Variants in SLC30A7 observed in about 807,000 individuals in gnomAD.
The protein encoded by SLC30A7 is zinc transporter 7.
A neutral mutation model predicts 46.0 loss-of-function variants in SLC30A7; 35 were observed. That is an observed-to-expected ratio of 0.76 (90% CI 0.58 to 1.01). SLC30A7 has a LOEUF of 1.01. Ranked by LOEUF, SLC30A7 falls within the 50% of genes least tolerant of loss-of-function variation. The pLI is 0.00. For synonymous variants in SLC30A7, 147 were observed against 157.8 expected (o/e 0.93, Z 0.51); for missense variants, 464 against 451.1 (o/e 1.03, Z -0.26).
At chr1:100,915,198 TTTCTTTCTTTC>T (rs1287956304) in intron 6 of SLC30A7, among the ~76,000 whole-genome samples, 52 of 61,772 alleles carry the variant, frequency 8.4e-4, no homozygotes, top group East Asian at 2.2e-3. Flanking sequence ...CTTTCTTTTC[TTTCTTTCTTTC>T]TTTCTTTCTT....
chr1:100,902,647 T>C (rs146583426), intron 2 of SLC30A7, among the ~76,000 whole-genome samples: 2 of 152,208 alleles, frequency 1.3e-5, no homozygotes, highest in Non-Finnish European at 2.9e-5. Context: ...ATGATCTTTC[T>C]GTAGCTTCAG....
chr1:100,924,450 A>G (rs1191862834), intron 8 of SLC30A7, among the ~76,000 whole-genome samples: 2 of 151,976 alleles, frequency 1.3e-5, no homozygotes, highest in Admixed American at 6.6e-5. Flanking sequence ...ACAATTACTC[A>G]TCCTTCAGAT....
intron 9 of SLC30A7, among the ~76,000 whole-genome samples, chr1:100,964,464 C>T (rs1036349093): frequency 7.3e-5 from 11 of 150,538 alleles, no homozygotes; most frequent in African/African-American, 2.5e-4. Flanking sequence ...GGGTGAGTAT[C>T]GTCTTCCTTT....
chr1:100,939,180 G>C (rs1230732665), intron 8 of SLC30A7, among the ~76,000 whole-genome samples: 1 of 152,042 alleles, frequency 6.6e-6, no homozygotes, highest in African/African-American at 2.4e-5. Flanking sequence ...TAGTATTAGT[G>C]ATCATTAGCC....
At chr1:100,983,066 A>G (rs1657041669), downstream of SLC30A7, among the ~76,000 whole-genome samples, 1 of 152,178 alleles carries the variant, frequency 6.6e-6, no homozygotes. Context: ...TTCCACTTGC[A>G]GTCCTCTAGC....
At chr1:100,995,412 G>A in the SLC30A7 span, 3 of 359,806 alleles carry the variant, frequency 8.3e-6, no homozygotes, top group South Asian at 6.6e-5. Flanking sequence ...GAAAGAATTA[G>A]ATAAACATTG....
At chr1:100,906,727 AT>A in intron 2 of SLC30A7, 124 bp from the exon 3 acceptor site, 1 of 642,138 alleles carries the variant, frequency 1.6e-6, no homozygotes, top group South Asian at 1.8e-5. Flanking sequence ...TCTATATAGC[AT>A]ATTTAAATTG....
chr1:100,990,610 C>T, the SLC30A7 span: 4 of 1,614,024 alleles, frequency 2.5e-6, no homozygotes, highest in South Asian at 1.1e-5. Flanking sequence ...TAAGCCAACA[C>T]AAAGTGTCTC....
chr1:100,923,080 A>G (rs1184924014), intron 8 of SLC30A7, among the ~76,000 whole-genome samples: 2 of 120,394 alleles, frequency 1.7e-5, no homozygotes, highest in South Asian at 2.5e-4. Flanking sequence ...CAGTGGCGCA[A>G]TCTCGGCTCA....
intron 8 of SLC30A7, among the ~76,000 whole-genome samples, chr1:100,936,782 A>G (rs1183370633): frequency 1.3e-5 from 2 of 151,982 alleles, no homozygotes; most frequent in Non-Finnish European, 2.9e-5. Context: ...AGCAACCACT[A>G]TTTTTTCTGT....
the SLC30A7 span, among the ~76,000 whole-genome samples, chr1:100,993,559 A>AATATATATATATATATATATAT: frequency 1.8e-3 from 100 of 56,500 alleles, 5 homozygotes; most frequent in South Asian, 2.7e-3. Context: ...CGAAAATATA[A>AATATATATATATATATATATAT]ATATATATAT....
chr1:100,992,967 G>A, the SLC30A7 span, among the ~76,000 whole-genome samples: 1 of 152,094 alleles, frequency 6.6e-6, no homozygotes, highest in African/African-American at 2.4e-5. Context: ...TGAAATGATG[G>A]CAGGAACACA....
rs1652288774 is a variant in SLC30A7, at chr1:100,913,760, A to G, written c.609A>G (p.Ala203=). 3.1e-6 allele frequency: 5 copies of G among 1,613,874 alleles called. No homozygotes were observed. The highest frequency in any genetic ancestry group is 3.4e-6 in the Non-Finnish European group (4 of 1,179,762). ...GCCATGAAGTGAAACATGGTGCTGC[A>G]CATAGCCATGATCATGCTCATGGAC... ...CHSHEVKHGA[A]HSHDHAHGHG... The change falls in exon 6 of 11, where the codon GCA becomes GCG. Residue 203 remains alanine (A), a synonymous_variant. Coordinates refer to ENST00000357650, the MANE Select transcript of SLC30A7 (RefSeq NM_133496.5).
At chr1:100,896,414 C>G (rs952728457) in intron 1 of SLC30A7, 72 bp downstream of exon 1, 2 of 1,540,526 alleles carry the variant, frequency 1.3e-6, no homozygotes, top group South Asian at 1.1e-5. Context: ...CAGGATGGCC[C>G]GAGGTCCAGT....
At chr1:100,992,089 C>A in the SLC30A7 span, among the ~76,000 whole-genome samples, 2 of 150,330 alleles carry the variant, frequency 1.3e-5, no homozygotes, top group South Asian at 2.1e-4. Context: ...CAAAGTGAGA[C>A]CCTCTCTCAA....
At chr1:100,912,891 GT>G in intron 5 of SLC30A7, among the ~76,000 whole-genome samples, 1 of 110,006 alleles carries the variant, frequency 9.1e-6, no homozygotes, top group South Asian at 2.8e-4. Context: ...AAAAAAAAAA[GT>G]GTGTGTGTTT....
intron 8 of SLC30A7, among the ~76,000 whole-genome samples, chr1:100,939,633 G>A (rs1654219610): frequency 1.3e-5 from 2 of 150,486 alleles, no homozygotes; most frequent in South Asian, 2.1e-4. Context: ...TCAGGAGATC[G>A]AGACCAACCT....
At chr1:100,954,844 A>G (rs1655141291) in intron 8 of SLC30A7, among the ~76,000 whole-genome samples, 1 of 152,072 alleles carries the variant, frequency 6.6e-6, no homozygotes, top group South Asian at 2.1e-4. Flanking sequence ...TTTAAATGTG[A>G]ATTGCGTTAC....
At position 100,896,130 on chromosome 1, in the gene SLC30A7, G is replaced by A. The variant is rs1343807208; in HGVS notation, c.-133G>A. ...CCCGGGTGTGTGTCTGTGTCTGTCT[G>A]TGTCTCGCAGCGGCGCGCGGCCCCG... On this transcript the variant is annotated 5_prime_UTR_variant, in exon 1 of 11. The change creates a new upstream start codon in the 5' untranslated region. Coordinates refer to ENST00000357650, the MANE Select transcript of SLC30A7 (RefSeq NM_133496.5). 4.0e-6 allele frequency: 3 copies of A among 748,744 alleles called. No individual in the cohort carries two copies. The highest frequency in any genetic ancestry group is 7.0e-6 in the Non-Finnish European group (3 of 427,090). 46.4% of individuals were successfully genotyped at this position (748,744 alleles called of 1,614,324 possible). A position where few individuals can be genotyped will look rare whatever the true frequency, so the allele number is the denominator to read the frequency against.
Sources: gnomAD v4.1 joint callset for allele counts (sites outside exome capture counted in the v4.1 genomes callset) on GRCh38, gnomAD v4.1.1 for gene constraint, MANE v1.5 for transcripts, NCBI Gene and HGNC (gene_info 2026-07-23, HGNC 2026-07-21) for gene names.